The following GIMAP5 variants were observed in gnomAD, a reference collection of about 807,000 sequenced individuals.
The protein encoded by GIMAP5 is GTPase IMAP family member 5.
GIMAP5 carries 8 observed loss-of-function variants against 9.9 expected under a neutral mutation model. The ratio of observed to expected loss-of-function variants is 0.81; its 90% CI spans 0.47 to 1.45. The LOEUF (loss-of-function observed/expected upper bound fraction) is 1.45, where lower values mean the gene tolerates loss of function less well. Ranked by LOEUF, GIMAP5 falls within the 40% of genes most tolerant of loss-of-function variation. GIMAP5 has a pLI of 0.00. For synonymous variants in GIMAP5, 174 were observed against 151.4 expected, an observed-to-expected ratio of 1.15 and a Z score of -1.09; for missense variants, 353 against 367.4, an observed-to-expected ratio of 0.96 and a Z score of 0.32.
chr7:150,741,025 A>G lies in GIMAP5; in HGVS notation c.43+98A>G, dbSNP rs1328543640. 2.3e-6 allele frequency: 3 copies of G among 1,308,890 alleles called. No individual in the cohort carries two copies. The Admixed American group carries it at 6.0e-5, about 26-fold the overall frequency. The allele number at this position is 1,308,890 out of a possible 1,614,324, so 81.1% of individuals were successfully genotyped here. Reference sequence around the variant, plus strand: ...ATCTAAAACACAGTGGCAGAAACCCATTCATTTTAAATGAAGAAGATAAAG... The same window carrying G: ...ATCTAAAACACAGTGGCAGAAACCCGTTCATTTTAAATGAAGAAGATAAAG... On this transcript the variant is annotated intron_variant, in intron 2 of 2. Transcript: ENST00000358647.
Position 150,737,447 on chromosome 7 carries a change from C to T in GIMAP5, c.-268C>T, listed in dbSNP as rs1416753968. ...AGTTTCCAGCCAACACCAGGGTGTC[C>T]TAGTCCGCAGAGGTGTGGGGGACAC... On this transcript the variant is annotated 5_prime_UTR_variant, in exon 1 of 3. Transcript: ENST00000358647. 1 of 1,363,892 alleles carries T rather than the reference C, an allele frequency of 7.3e-7. No homozygotes were observed. Among genetic ancestry groups the T allele is most frequent in the Non-Finnish European group, 1.0e-6 (1 of 992,998 alleles). The allele number at this position is 1,363,892 out of a possible 1,614,324, so 84.5% of individuals were successfully genotyped here. A position where few individuals can be genotyped will look rare whatever the true frequency, so the allele number is the denominator to read the frequency against.
rs2116582419 is a variant in GIMAP5 at position 150,743,293 on chromosome 7, T to C, written c.*230T>C. 1 of 531,676 alleles carries C rather than the reference T, an allele frequency of 1.9e-6. No homozygotes were observed. 32.9% of individuals were successfully genotyped at this position (531,676 alleles called of 1,614,324 possible). A position where few individuals can be genotyped will look rare whatever the true frequency, so the allele number is the denominator to read the frequency against. ...TGTCTGCCAACAACTGCTTCAGGAA[T>C]GGGCCTGAGATCCCATGCAGGTCCC... On this transcript the variant is annotated 3_prime_UTR_variant, in exon 3 of 3. Transcript: ENST00000358647.
rs1466049265 is a variant in GIMAP5, at chr7:150,742,203, T to C, written c.64T>C (p.Ser22Pro). ...MAEGRSEDNLSATPPALRIIL... is the reference protein window; with the variant it reads ...MAEGRSEDNLPATPPALRIIL... The stretch of plus-strand genomic sequence containing the variant: ...TACAGGTAGATCAGAAGATAACTTG[T>C]CTGCAACACCACCGGCATTGAGGAT... The change falls in exon 3 of 3, where the codon TCT (serine) becomes CCT (proline). Residue 22 changes from serine to proline, a missense_variant. By Grantham distance (74) the Ser-to-Pro change is moderately conservative. Coordinates refer to ENST00000358647, the MANE Select transcript of GIMAP5 (RefSeq NM_018384.5). 2 of 1,613,928 alleles carry C rather than the reference T, an allele frequency of 1.2e-6. No individual in the cohort carries two copies. Among genetic ancestry groups the C allele is most frequent in the African/African-American group, 1.3e-5 (1 of 75,044 alleles).
At chr7:150,740,528 T>C in intron 1 of GIMAP5, 1 of 175,836 alleles carries the variant, frequency 5.7e-6, no homozygotes. Flanking sequence ...TTAATTTCAA[T>C]TTTTTTAATG....
Position 150,742,694 on chromosome 7 carries a change from T to C in GIMAP5, c.555T>C (p.Cys185=), listed in dbSNP as rs746075907. Reference sequence around the variant, plus strand: ...TGCGGGAGTGTGAGAGAAGGTACTGTGCCTTCAACAACTGGGGCTCTGTGG... The same window carrying C: ...TGCGGGAGTGTGAGAGAAGGTACTGCGCCTTCAACAACTGGGGCTCTGTGG... The part of the protein sequence containing the change: ...DLVRECERRY[C]AFNNWGSVEE... Residue 185 remains cysteine, a synonymous_variant, in exon 3 of 3, where the codon TGT becomes TGC. Transcript: ENST00000358647. 1 of 1,614,214 alleles carries C rather than the reference T, an allele frequency of 6.2e-7. No homozygotes were observed.
rs767490478 is a variant in GIMAP5 at position 150,743,006 on chromosome 7, A to G, written c.867A>G (p.Leu289=). 3.1e-6 allele frequency: 5 copies of G among 1,613,728 alleles called. No homozygotes were observed. The Admixed American group carries it at 5.0e-5, about 16-fold the overall frequency. ...TGCATTATGAGATTTTTGTTTTTCT[A>G]TTGTTGTGCAGCATACTTTTTTTCA... ...MLLHYEIFVF[L]LLCSILFFII... Residue 289 remains leucine (L), a synonymous_variant, in exon 3 of 3, where the codon CTA becomes CTG. Coordinates refer to ENST00000358647, the MANE Select transcript of GIMAP5 (RefSeq NM_018384.5).
chr7:150,742,579 T>C lies in GIMAP5; in HGVS notation c.440T>C (p.Val147Ala), dbSNP rs1797616531. 6.2e-7 allele frequency: 1 copy of C among 1,614,030 alleles called. No individual in the cohort carries two copies. Among genetic ancestry groups the C allele is most frequent in the Non-Finnish European group, 8.5e-7 (1 of 1,180,032 alleles). ...GGGACAGGGGCCATGAGACATGTGG[T>C]CATCCTCTTCACCCACAAAGAGGAC... ...VFGTGAMRHV[V>A]ILFTHKEDLG... The change falls in exon 3 of 3, where the codon GTC becomes GCC. Residue 147 changes from valine to alanine, a missense_variant. Physicochemically the swap from Val to Ala is moderately conservative, Grantham distance 64 (BLOSUM62 0). Coordinates refer to ENST00000358647, the MANE Select transcript of GIMAP5 (RefSeq NM_018384.5).
rs765800153 is a variant in GIMAP5 at position 150,742,670 on chromosome 7, G to T, written c.531G>T (p.Val177=). 1 of 1,614,234 alleles carries T rather than the reference G, an allele frequency of 6.2e-7. No individual in the cohort carries two copies. The highest frequency in any genetic ancestry group is 1.7e-5 in the Admixed American group (1 of 60,022). The change falls in exon 3 of 3, where the codon GTG becomes GTT. Residue 177 remains valine (V), a synonymous_variant. Transcript: ENST00000358647. ...NTDNCSLKDL[V]RECERRYCAF... ...ACAACTGCAGCCTGAAAGACCTGGT[G>T]CGGGAGTGTGAGAGAAGGTACTGTG...
chr7:150,742,468 G>A lies in GIMAP5; in HGVS notation c.329G>A (p.Gly110Glu), dbSNP rs2116579896. Residue 110 changes from glycine to glutamate, a missense_variant, in exon 3 of 3, where the codon GGG becomes GAG. Physicochemically the swap from Gly to Glu is moderately conservative, Grantham distance 98. Transcript: ENST00000358647. ...IGDCYLLSAPGPHVLLLVIQL... is the reference protein window; with the variant it reads ...IGDCYLLSAPEPHVLLLVIQL... ...GACTGCTACCTGCTCTCTGCCCCGG[G>A]GCCCCACGTCCTGCTTCTGGTGATC... The A allele has an allele frequency of 1.9e-6, 3 of 1,614,190 alleles. No homozygotes were observed. The highest frequency in any genetic ancestry group is 1.7e-4 in the Middle Eastern group (1 of 6,060).
chr7:150,743,089 A>T lies in GIMAP5; in HGVS notation c.*26A>T. 6.3e-7 allele frequency: 1 copy of T among 1,586,544 alleles called. No homozygotes were observed. Among genetic ancestry groups the T allele is most frequent in the Non-Finnish European group, 8.6e-7 (1 of 1,165,854 alleles). On this transcript the variant is annotated 3_prime_UTR_variant, in exon 3 of 3. Coordinates refer to ENST00000358647, the MANE Select transcript of GIMAP5 (RefSeq NM_018384.5). ...ATCTCTGGACCCTGGAGCACTTCTA[A>T]TGTATCACCCCATGGAGTCATTGTT...
At chr7:150,738,696 A>G (rs1227415240) in intron 1 of GIMAP5, 1 of 152,208 alleles carries the variant, frequency 6.6e-6, no homozygotes, top group African/African-American at 2.4e-5. Context: ...TGGGACGATT[A>G]GTAAAATTTT....
At chr7:150,740,628 C>A (rs78430825) in intron 1 of GIMAP5, 19,071 of 383,590 alleles carry the variant, frequency 0.05, 696 homozygotes, top group Non-Finnish European at 0.064. Flanking sequence ...CAAAATATTT[C>A]CTGATTTTCT....
At chr7:150,741,056 T>C (rs1797587180) in intron 2 of GIMAP5, 129 bp downstream of exon 2, 3 of 847,612 alleles carry the variant, frequency 3.5e-6, no homozygotes, top group Non-Finnish European at 3.8e-6. Context: ...TAAAGGCAAC[T>C]ATCATCACGT....
Position 150,741,876 on chromosome 7 carries a change from G to A in GIMAP5, c.44-307G>A, listed in dbSNP as rs192754030. On this transcript the variant is annotated intron_variant, in intron 2 of 2. Transcript: ENST00000358647. ...TCCATGGAGCTGGCCTAAACACCAC[G>A]CAGGGGAAAACACAAGGACCATTTT... Among the ~76,000 whole-genome samples, 1,175 of 152,272 alleles carry A rather than the reference G, an allele frequency of 7.7e-3. 21 individuals carry two copies. The highest frequency in any genetic ancestry group is 0.027 in the African/African-American group (1,120 of 41,546).
rs1358276636 is a variant in GIMAP5 at position 150,742,513 on chromosome 7, C to A, written c.374C>A (p.Ala125Asp). 6.2e-7 allele frequency: 1 copy of A among 1,614,196 alleles called. No homozygotes were observed. Among genetic ancestry groups the A allele is most frequent in the Admixed American group, 1.7e-5 (1 of 60,020 alleles). Residue 125 changes from alanine to aspartate, a missense_variant, in exon 3 of 3, where the codon GCT (alanine) becomes GAT (aspartate). Transcript: ENST00000358647. Reference sequence around the variant, plus strand: ...GTGATCCAGCTGGGGCGTTTCACTGCTCAGGACACAGTGGCCATCAGGAAG... The same window carrying A: ...GTGATCCAGCTGGGGCGTTTCACTGATCAGGACACAGTGGCCATCAGGAAG... ...LLVIQLGRFT[A>D]QDTVAIRKVK...
At chr7:150,737,994 C>A in intron 1 of GIMAP5, 1 of 480,714 alleles carries the variant, frequency 2.1e-6, no homozygotes, top group Non-Finnish European at 3.8e-6. Flanking sequence ...CCATGAAACT[C>A]TCAGGGAGTA....
Position 150,737,523 on chromosome 7 carries a change from A to T in GIMAP5, c.-192A>T, listed in dbSNP as rs940661063. On this transcript the variant is annotated 5_prime_UTR_variant, in exon 1 of 3. Coordinates refer to ENST00000358647, the MANE Select transcript of GIMAP5 (RefSeq NM_018384.5). ...TGTGCAGCTGAGTCATGGAGCTTTC[A>T]GCCCCAGCACATGGCTCCTCCTTAA... 1 of 1,535,454 alleles carries T rather than the reference A, an allele frequency of 6.5e-7. No individual in the cohort carries two copies. The highest frequency in any genetic ancestry group is 8.7e-7 in the Non-Finnish European group (1 of 1,146,860).
chr7:150,740,382 T>A (rs1797576998), intron 1 of GIMAP5: 1 of 162,802 alleles, frequency 6.1e-6, no homozygotes, highest in African/African-American at 2.4e-5. Flanking sequence ...CAGTACCTTG[T>A]AATTTCCTCT....
chr7:150,743,155 G>C lies in GIMAP5; in HGVS notation c.*92G>C, dbSNP rs10361. On this transcript the variant is annotated 3_prime_UTR_variant, in exon 3 of 3. Transcript: ENST00000358647. ...TCAGACTCAGATCCTCGTGGTCTATGGAGCATGCTGCTTGCTGTCTGTGCA... is the reference window on the plus strand; with the variant it reads ...TCAGACTCAGATCCTCGTGGTCTATCGAGCATGCTGCTTGCTGTCTGTGCA... The C allele has an allele frequency of 0.31, 456,832 of 1,469,250 alleles. 73,330 individuals are homozygous for C. Among genetic ancestry groups the C allele is most frequent in the African/African-American group, 0.54 (38,426 of 71,182 alleles). The allele number at this position is 1,469,250 out of a possible 1,614,324, so 91.0% of individuals were successfully genotyped here.
Sources: allele counts gnomAD v4.1 joint callset (sites outside exome capture counted in the v4.1 genomes callset), GRCh38; gene constraint gnomAD v4.1.1; transcripts MANE v1.5; gene names NCBI Gene and HGNC (gene_info 2026-07-23, HGNC 2026-07-21).